DAB2: variants seen among roughly 807,000 people sequenced by gnomAD.
The protein encoded by DAB2 is DAB adaptor protein 2.
DAB2 carries 28 observed loss-of-function variants against 71.6 expected under a neutral mutation model. The observed-to-expected ratio is 0.39, with a 90% CI of 0.29 to 0.54. The LOEUF is 0.54. Ranked by LOEUF, DAB2 falls within the 20% of genes least tolerant of loss-of-function variation. The probability of loss-of-function intolerance (pLI) is 0.68; values close to 1 mark genes in which losing one functional copy is unlikely to be tolerated. For missense variants in DAB2, 867 were observed against 928.8 expected (o/e 0.93, Z 0.86); for synonymous variants, 345 against 339.7 (o/e 1.02, Z -0.17).
chr5:39,388,698 C>A, intron 8 of DAB2, 101 bp downstream of exon 8: 2 of 952,986 alleles, frequency 2.1e-6, no homozygotes, highest in Middle Eastern at 3.2e-4. Flanking sequence ...ATTGGATTTT[C>A]ATATAGATTC....
chr5:39,414,452 G>C (rs1283730209), intron 1 of DAB2, among the ~76,000 whole-genome samples: 4 of 152,140 alleles, frequency 2.6e-5, no homozygotes, highest in African/African-American at 9.7e-5. Flanking sequence ...AGGAGAATAA[G>C]AAGTTGTTTG....
chr5:39,392,444 C>G lies in DAB2; in HGVS notation c.251G>C (p.Arg84Pro). ...MKLKGMAAAGRSQGQHKQRIW... is the reference protein window; with the variant it reads ...MKLKGMAAAGPSQGQHKQRIW... ...CCTTTGTTTGTGTTGTCCCTGAGAC[C>G]GACCAGCTGCCGCCATTCCCTGATG... Residue 84 changes from arginine to proline, a missense_variant, in exon 4 of 15, where the codon CGG becomes CCG. Physicochemically the swap from Arg to Pro is moderately radical, Grantham distance 103. Around this residue, in one of 2 missense-constraint regions of DAB2, gnomAD observed 127 missense variants for 194.4 expected, o/e 0.65. Transcript: ENST00000320816. 6.2e-7 allele frequency: 1 copy of G among 1,613,660 alleles called. No homozygotes were observed. Among genetic ancestry groups the G allele is most frequent in the Non-Finnish European group, 8.5e-7 (1 of 1,179,726 alleles).
At chr5:39,383,318 T>C (rs1164517398) in intron 9 of DAB2, 47 bp from the exon 10 acceptor site, 2 of 1,378,470 alleles carry the variant, frequency 1.5e-6, no homozygotes, top group Admixed American at 4.4e-5. Context: ...GTCCATGTTG[T>C]GACTTCAAAT....
chr5:39,421,938 C>T (rs927600348), intron 1 of DAB2, among the ~76,000 whole-genome samples: 1 of 151,504 alleles, frequency 6.6e-6, no homozygotes, highest in Non-Finnish European at 1.5e-5. Flanking sequence ...GGTATGGTGG[C>T]GGGTACCTCT....
At chr5:39,377,348 G>A in intron 11 of DAB2, 66 bp from the exon 12 acceptor site, 1 of 1,520,574 alleles carries the variant, frequency 6.6e-7, no homozygotes, top group Non-Finnish European at 8.9e-7. Flanking sequence ...GAATTTCAGA[G>A]AGCACAACTC....
chr5:39,381,535 G>A lies in DAB2; in HGVS notation c.1423C>T (p.Gln475Ter). 6.2e-7 allele frequency: 1 copy of A among 1,614,154 alleles called. No individual in the cohort carries two copies. The highest frequency in any genetic ancestry group is 8.5e-7 in the Non-Finnish European group (1 of 1,179,988). Residue 475 changes from glutamine (Q) to a stop codon, truncating the protein, a stop_gained, in exon 11 of 15, where the codon CAA (glutamine) becomes TAA (stop). Coordinates refer to ENST00000320816, the MANE Select transcript of DAB2 (RefSeq NM_001343.4). LOFTEE classifies it high-confidence loss of function. ...EPSGQASPTG[Q>*]PTALQPNPLD... ...GGGTTGGGCTGCAGGGCTGTAGGTT[G>A]TCCTGTGGGTGACGCCTGGCCTGAA...
At chr5:39,410,314 C>T (rs1035402475) in intron 1 of DAB2, among the ~76,000 whole-genome samples, 1 of 152,070 alleles carries the variant, frequency 6.6e-6, no homozygotes, top group Non-Finnish European at 1.5e-5. Context: ...GTAGAAAAAT[C>T]TAGTTTTCTT....
At position 39,394,558 on chromosome 5, in the gene DAB2, T is replaced by C. The variant is rs189962433; in HGVS notation, c.-101-137A>G. 1,948 of 497,906 alleles carry C rather than the reference T, an allele frequency of 3.9e-3. 4 individuals are homozygous for C. Among genetic ancestry groups the C allele is most frequent in the Non-Finnish European group, 5.9e-3 (1,650 of 281,958 alleles). 30.8% of individuals were successfully genotyped at this position (497,906 alleles called of 1,614,324 possible). A position where few individuals can be genotyped will look rare whatever the true frequency, so the allele number is the denominator to read the frequency against. The stretch of plus-strand genomic sequence containing the variant: ...TGTTCCTTCTCCTGCTGTATTAGAC[T>C]GAAGACTGAAAGCAGGGGAGTGGGT... On this transcript the variant is annotated intron_variant, in intron 1 of 14. Coordinates refer to ENST00000320816, the MANE Select transcript of DAB2 (RefSeq NM_001343.4).
At chr5:39,375,190 C>T in intron 13 of DAB2, 106 bp from the exon 14 acceptor site, 1 of 739,170 alleles carries the variant, frequency 1.4e-6, no homozygotes, top group Non-Finnish European at 2.3e-6. Context: ...GGTCATAGGC[C>T]AATCAGCCAA....
At chr5:39,410,805 T>TG (rs201716190) in intron 1 of DAB2, among the ~76,000 whole-genome samples, 1,379 of 20,994 alleles carry the variant, frequency 0.066, 21 homozygotes, top group African/African-American at 0.2. Flanking sequence ...TCTAACCTGC[T>TG]TAAAAAAAAA....
chr5:39,374,165 T>C (rs1754763775), intron 14 of DAB2, among the ~76,000 whole-genome samples: 2 of 152,194 alleles, frequency 1.3e-5, no homozygotes, highest in Admixed American at 1.3e-4. Flanking sequence ...TTAGTAGTCC[T>C]GTTTGGATGA....
At chr5:39,374,784 C>T (rs1420235720) in intron 14 of DAB2, 3 of 430,514 alleles carry the variant, frequency 7.0e-6, no homozygotes, top group Non-Finnish European at 1.2e-5. Context: ...GATAAAAATC[C>T]ACATCCCCAA....
In DAB2 at chr5:39,379,443, CA is replaced by C. The variant is rs33949918; in HGVS notation, c.1504+2010del. On this transcript the variant is annotated intron_variant, in intron 11 of 14. Transcript: ENST00000320816. ...TGGGTGACAGAGTGAGACTCTGTCT[CA>C]AAAAAAAAAAAAAAAAAAAAGGAGA... 2.4e-3 allele frequency among the ~76,000 whole-genome samples: 177 copies of C among 72,522 alleles called. 4 individuals are homozygous for C. The South Asian group carries it at 0.058, about 24-fold the overall frequency. 47.6% of individuals were successfully genotyped at this position (72,522 alleles called of 152,430 possible).
rs912574924 is a variant in DAB2, at chr5:39,392,164, TATAGAACACAA to T, written c.330+190_330+200del. ...TTAACAGACTTAGATTCACATTTAT[TATAGAACACAA>T]ATTCAAAATCAAGTATCTTGACTTT... On this transcript the variant is annotated intron_variant, in intron 4 of 14. Transcript: ENST00000320816. The T allele has an allele frequency of 5.5e-6, 3 of 548,192 alleles. No individual in the cohort carries two copies. The African/African-American group carries it at 5.8e-5, about 11-fold the overall frequency. The allele number at this position is 548,192 out of a possible 1,614,324, so 34.0% of individuals were successfully genotyped here. A position where few individuals can be genotyped will look rare whatever the true frequency, so the allele number is the denominator to read the frequency against.
chr5:39,374,450 T>C (rs770464061), intron 14 of DAB2, among the ~76,000 whole-genome samples: 1 of 152,206 alleles, frequency 6.6e-6, no homozygotes, highest in Non-Finnish European at 1.5e-5. Flanking sequence ...GAATCAACCT[T>C]CAGACTCATT....
At chr5:39,376,196 C>T in intron 12 of DAB2, 90 bp from the exon 13 acceptor site, 1 of 1,004,226 alleles carries the variant, frequency 1.0e-6, no homozygotes, top group South Asian at 1.5e-5. Context: ...AAGTTTAGTT[C>T]TATACTTTTG....
chr5:39,389,048 T>C, intron 7 of DAB2, 49 bp downstream of exon 7: 1 of 1,587,548 alleles, frequency 6.3e-7, no homozygotes, highest in Non-Finnish European at 8.6e-7. Flanking sequence ...AAACAGGGGC[T>C]TACGCATGTC....
At chr5:39,394,457 A>G (rs1169482675) in intron 1 of DAB2, 36 bp from the exon 2 acceptor site, 7 of 669,024 alleles carry the variant, frequency 1.0e-5, no homozygotes, top group Non-Finnish European at 1.9e-5. Context: ...TGAGATCAGA[A>G]CACAGCAGAC....
chr5:39,389,224 A>G (rs1755167799), intron 6 of DAB2, 101 bp from the exon 7 acceptor site: 9 of 862,590 alleles, frequency 1.0e-5, no homozygotes, highest in Middle Eastern at 5.4e-4. Context: ...TAAGGCAAGA[A>G]TAAGTCTTGT....
Sources: allele counts gnomAD v4.1 joint callset (sites outside exome capture counted in the v4.1 genomes callset), GRCh38; gene constraint gnomAD v4.1.1; regional missense constraint gnomAD v4.1.1; transcripts MANE v1.5; gene names NCBI Gene and HGNC (gene_info 2026-07-23, HGNC 2026-07-21).